The following VPS13C variants were observed in gnomAD, a reference collection of about 807,000 sequenced individuals.
VPS13C encodes intermembrane lipid transfer protein VPS13C.
VPS13C carries 358 observed loss-of-function variants against 456.8 expected under a neutral mutation model. That is an observed-to-expected ratio of 0.78 (90% CI 0.72 to 0.86). The LOEUF is 0.86. Ranked by LOEUF, VPS13C falls within the 40% of genes least tolerant of loss-of-function variation. The pLI is 0.00. For missense variants in VPS13C, 4,818 were observed against 4,385.4 expected (o/e 1.10, Z -2.79); for synonymous variants, 1,578 against 1,486.7 (o/e 1.06, Z -1.41).
At chr15:61,944,583 T>C (rs2044541999) in intron 45 of VPS13C, among the ~76,000 whole-genome samples, 1 of 151,964 alleles carries the variant, frequency 6.6e-6, no homozygotes, top group South Asian at 2.1e-4. Flanking sequence ...AGCTAAACAC[T>C]GGGTATTTCA....
Position 61,922,874 on chromosome 15 carries a change from AAATTTT to A in VPS13C, c.6610-118_6610-113del, listed in dbSNP as rs1317897023. On this transcript the variant is annotated intron_variant, in intron 53 of 84. Transcript: ENST00000644861. The stretch of plus-strand genomic sequence containing the variant: ...TAATTATAAGTGACATTTTTAAATT[AAATTTT>A]AATTTTAAATTAAAGTAACTAATTT... 3.4e-6 allele frequency: 3 copies of A among 885,630 alleles called. No individual in the cohort carries two copies. In the African/African-American group the frequency reaches 5.3e-5, roughly 16 times the overall value. 54.9% of individuals were successfully genotyped at this position (885,630 alleles called of 1,614,324 possible).
At chr15:61,868,079 A>C (rs1020936659) in intron 81 of VPS13C, 2 of 651,918 alleles carry the variant, frequency 3.1e-6, no homozygotes, top group Non-Finnish European at 5.3e-6. Flanking sequence ...AGGTAGAAAA[A>C]TATTAATACA....
intron 62 of VPS13C, 152 bp from the exon 63 acceptor site, chr15:61,912,156 T>C: frequency 1.4e-6 from 1 of 739,822 alleles, no homozygotes; most frequent in Non-Finnish European, 1.9e-6. Flanking sequence ...AAAGATTATC[T>C]TCTGAGAAAA....
intron 35 of VPS13C, among the ~76,000 whole-genome samples, chr15:61,959,807 T>C (rs533046326): frequency 2.0e-5 from 3 of 152,112 alleles, no homozygotes; most frequent in Non-Finnish European, 4.4e-5. Flanking sequence ...TTAAGAAAAC[T>C]TTTTTCTTTA....
intron 82 of VPS13C, among the ~76,000 whole-genome samples, chr15:61,859,809 T>C (rs974337279): frequency 3.3e-5 from 5 of 152,098 alleles, no homozygotes; most frequent in African/African-American, 1.2e-4. Context: ...TTCATCTCTG[T>C]GTCCCTGTAT....
At chr15:61,871,162 C>A (rs1894997129) in intron 79 of VPS13C, among the ~76,000 whole-genome samples, 1 of 152,090 alleles carries the variant, frequency 6.6e-6, no homozygotes. Flanking sequence ...TCTTTTCTAG[C>A]AAAGTTTTGC....
chr15:61,893,739 G>A (rs752834675), intron 66 of VPS13C, among the ~76,000 whole-genome samples: 3 of 151,856 alleles, frequency 2.0e-5, no homozygotes, highest in Admixed American at 2.0e-4. Flanking sequence ...CAAGATGTAT[G>A]GGGGATGGAC....
At chr15:62,057,439 G>A (rs2048839246) in intron 1 of VPS13C, among the ~76,000 whole-genome samples, 1 of 152,100 alleles carries the variant, frequency 6.6e-6, no homozygotes. Flanking sequence ...CAGATATCTT[G>A]CCTTCCAATT....
chr15:61,909,086 A>G lies in VPS13C; in HGVS notation c.8884T>C (p.Ser2962Pro). ...TAATCAGAAAAAGTTATGACAGTTG[A>G]ATGTTCGGCAGTGTTTACATCCACC... ...ILVDVNTAEH[S>P]TVITFSDYHE... Residue 2962 changes from serine (S) to proline (P), a missense_variant, in exon 65 of 85, where the codon TCA (serine) becomes CCA (proline). By Grantham distance (74) the Ser-to-Pro change is moderately conservative. Coordinates refer to ENST00000644861, the MANE Select transcript of VPS13C (RefSeq NM_020821.3). 6.2e-7 allele frequency: 1 copy of G among 1,613,988 alleles called. No individual in the cohort carries two copies. Among genetic ancestry groups the G allele is most frequent in the Non-Finnish European group, 8.5e-7 (1 of 1,179,974 alleles).
chr15:61,897,784 C>G (rs1275548895), intron 66 of VPS13C, among the ~76,000 whole-genome samples: 1 of 151,962 alleles, frequency 6.6e-6, no homozygotes, highest in East Asian at 1.9e-4. Flanking sequence ...AAGAGCAACT[C>G]CAAGACACAT....
At chr15:61,920,388 A>C (rs907956814) in intron 56 of VPS13C, 57 bp from the exon 57 acceptor site, 6 of 1,509,336 alleles carry the variant, frequency 4.0e-6, no homozygotes, top group Admixed American at 4.6e-5. Flanking sequence ...TTCTTCCCAA[A>C]ACCTATACCA....
In VPS13C at chr15:61,920,698, A is replaced by G. The variant is rs376698197; in HGVS notation, c.7063-51T>C. On this transcript the variant is annotated intron_variant, in intron 55 of 84. Transcript: ENST00000644861. ...TTTAAATTATTAGCCAGTTGATAAT[A>G]AAATAAAAATGCTGGAGTTCAGTTC... 3.3e-6 allele frequency: 5 copies of G among 1,501,454 alleles called. No homozygotes were observed. In the African/African-American group the frequency reaches 5.8e-5, roughly 17 times the overall value. The allele number at this position is 1,501,454 out of a possible 1,614,324, so 93.0% of individuals were successfully genotyped here. A position where few individuals can be genotyped will look rare whatever the true frequency, so the allele number is the denominator to read the frequency against.
rs1470609193 is a variant in VPS13C at position 61,931,186 on chromosome 15, C to T, written c.5942G>A (p.Gly1981Glu). ...ELRLHLMASS[G>E]KMFKDGSMNV... ...CATTGAGCCATCCTTAAACATCTTCCCTGAGGAGGCCATAAGATGTAGTCT... is the reference window on the plus strand; with the variant it reads ...CATTGAGCCATCCTTAAACATCTTCTCTGAGGAGGCCATAAGATGTAGTCT... The change falls in exon 50 of 85, where the codon GGG becomes GAG. Residue 1981 changes from glycine (G) to glutamate (E), a missense_variant. By Grantham distance (98) the Gly-to-Glu change is moderately conservative. This residue lies in a region of VPS13C where 4,552 missense variants were observed against 4,130.6 expected (regional missense o/e 1.10). Coordinates refer to ENST00000644861, the MANE Select transcript of VPS13C (RefSeq NM_020821.3). 6.2e-7 allele frequency: 1 copy of T among 1,614,092 alleles called. No homozygotes were observed.
At chr15:61,917,196 GT>G in intron 60 of VPS13C, 144 bp downstream of exon 60, 1 of 853,146 alleles carries the variant, frequency 1.2e-6, no homozygotes, top group Non-Finnish European at 1.8e-6. Context: ...TGTTATGCCA[GT>G]TTTTGCTATC....
At chr15:61,972,160 A>G (rs1235588383) in intron 27 of VPS13C, among the ~76,000 whole-genome samples, 1 of 152,206 alleles carries the variant, frequency 6.6e-6, no homozygotes, top group Non-Finnish European at 1.5e-5. Flanking sequence ...ATAATGACAT[A>G]CCGTGAACAT....
chr15:62,010,563 A>T lies in VPS13C; in HGVS notation c.920T>A (p.Met307Lys), dbSNP rs1596472646. The T allele has an allele frequency of 1.2e-6, 2 of 1,613,120 alleles. No homozygotes were observed. Among genetic ancestry groups the T allele is most frequent in the Non-Finnish European group, 1.7e-6 (2 of 1,179,634 alleles). Reference sequence around the variant, plus strand: ...GAGCTCTGATTCTGCATAAGGATTCATGTAGAGTTTTGCAGAGGCTGATAT... The same window carrying T: ...GAGCTCTGATTCTGCATAAGGATTCTTGTAGAGTTTTGCAGAGGCTGATAT... Reference protein sequence around the residue: ...QPISASAKLYMNPYAESELKT... With the variant: ...QPISASAKLYKNPYAESELKT... Residue 307 changes from methionine to lysine, a missense_variant, in exon 13 of 85, where the codon ATG becomes AAG. By Grantham distance (95) the Met-to-Lys change is moderately conservative (BLOSUM62 -1). Coordinates refer to ENST00000644861, the MANE Select transcript of VPS13C (RefSeq NM_020821.3).
intron 42 of VPS13C, among the ~76,000 whole-genome samples, chr15:61,948,058 G>C (rs2044665522): frequency 6.6e-6 from 1 of 152,038 alleles, no homozygotes; most frequent in Non-Finnish European, 1.5e-5. Flanking sequence ...AGCACGGAAA[G>C]TATCTGTCCT....
At chr15:62,053,089 A>G (rs996797355) in intron 1 of VPS13C, among the ~76,000 whole-genome samples, 1 of 152,186 alleles carries the variant, frequency 6.6e-6, no homozygotes, top group Non-Finnish European at 1.5e-5. Context: ...TTAAATTTTT[A>G]AGCACCGCTT....
Position 61,907,318 on chromosome 15 carries a change from GGT to G in VPS13C, c.9049_9050del (p.Thr3017GlnfsTer15). On this transcript the variant is annotated frameshift_variant, in exon 66 of 85. Transcript: ENST00000644861. LOFTEE classifies it high-confidence loss of function. ...CTGCATATGTCCATGTAAGTTTTCT[GGT>G]ACCAGTAGGATCTGCCCAGGCAAAA... ...RLFAWADPTG[T>X]RKLTWTYAAN... is the part of the protein sequence containing the mutation. The G allele has an allele frequency of 6.2e-7, 1 of 1,613,948 alleles. No individual in the cohort carries two copies. Among genetic ancestry groups the G allele is most frequent in the Non-Finnish European group, 8.5e-7 (1 of 1,179,894 alleles).
Sources: gnomAD v4.1 joint callset for allele counts (sites outside exome capture counted in the v4.1 genomes callset) on GRCh38, gnomAD v4.1.1 for gene constraint, gnomAD v4.1.1 regional missense constraint, MANE v1.5 for transcripts, NCBI Gene and HGNC (gene_info 2026-07-23, HGNC 2026-07-21) for gene names.